The following DHCR24 variants were observed in gnomAD, a reference collection of about 807,000 sequenced individuals.
DHCR24 encodes 24-dehydrocholesterol reductase.
A neutral mutation model predicts 61.2 loss-of-function variants in DHCR24; 28 were observed. That is an observed-to-expected ratio of 0.46 (90% CI 0.34 to 0.63). The LOEUF is 0.63. DHCR24 is among the 20% of genes least tolerant of loss of function. The pLI is 0.01. For synonymous variants in DHCR24, 261 were observed against 275.9 expected (o/e 0.95, Z 0.54); for missense variants, 538 against 679.1 (o/e 0.79, Z 2.31).
intron 6 of DHCR24, among the ~76,000 whole-genome samples, chr1:54,858,703 T>C (rs532964312): frequency 1.8e-4 from 28 of 152,284 alleles, no homozygotes; most frequent in African/African-American, 4.6e-4. Context: ...AATGGCGCGA[T>C]CTCAGCTCAC....
At chr1:54,880,025 A>AAC (rs368041290) in intron 2 of DHCR24, among the ~76,000 whole-genome samples, 1 of 152,086 alleles carries the variant, frequency 6.6e-6, no homozygotes, top group Non-Finnish European at 1.5e-5. Context: ...AATTGAAAAC[A>AAC]ACACACACAC....
Position 54,850,352 on chromosome 1 carries a change from C to T in DHCR24, c.*1881G>A, listed in dbSNP as rs757634950. The T allele has an allele frequency of 9.2e-5, 14 of 152,258 alleles. No homozygotes were observed. The highest frequency in any genetic ancestry group is 1.8e-4 in the Non-Finnish European group (12 of 68,064). The allele number at this position is 152,258 out of a possible 1,614,324, so 9.4% of individuals were successfully genotyped here. Reference sequence around the variant, plus strand: ...GCACTGAGCAAGGAAGCACATGGGTCTCCTATGAGAGCTAATGCCAGAATT... The same window carrying T: ...GCACTGAGCAAGGAAGCACATGGGTTTCCTATGAGAGCTAATGCCAGAATT... On this transcript the variant is annotated 3_prime_UTR_variant, in exon 9 of 9. Transcript: ENST00000371269.
intron 7 of DHCR24, 127 bp downstream of exon 7, chr1:54,853,910 C>G: frequency 1.0e-6 from 1 of 987,148 alleles, no homozygotes; most frequent in Non-Finnish European, 1.5e-6. Flanking sequence ...GGACAAGGAC[C>G]TCATCTTAAA....
intron 6 of DHCR24, among the ~76,000 whole-genome samples, chr1:54,863,695 A>C (rs986377436): frequency 1.3e-5 from 2 of 152,262 alleles, no homozygotes; most frequent in Non-Finnish European, 2.9e-5. Context: ...GGGAAAATAG[A>C]TAAATTGGAA....
intron 3 of DHCR24, among the ~76,000 whole-genome samples, chr1:54,875,661 C>T (rs921374752): frequency 1.3e-5 from 2 of 152,090 alleles, no homozygotes; most frequent in African/African-American, 2.4e-5. Flanking sequence ...TATACTTATT[C>T]TGTGTGTTCC....
rs1646893615 is a variant in DHCR24, at chr1:54,854,100, C to T, written c.1155G>A (p.Gln385=). The change falls in exon 7 of 9, where the codon CAG becomes CAA. Residue 385 remains glutamine (Q), a synonymous_variant. Coordinates refer to ENST00000371269, the MANE Select transcript of DHCR24 (RefSeq NM_014762.4). Reference sequence around the variant, plus strand: ...GGCACTTCATGGGCACCAGCATGTCCTGCACCACGTGGTGCTGCTCGTACA... The same window carrying T: ...GGCACTTCATGGGCACCAGCATGTCTTGCACCACGTGGTGCTGCTCGTACA... ...RKLYEQHHVV[Q]DMLVPMKCLQ... 4 of 1,614,092 alleles carry T rather than the reference C, an allele frequency of 2.5e-6. No homozygotes were observed. Among genetic ancestry groups the T allele is most frequent in the Non-Finnish European group, 3.4e-6 (4 of 1,179,986 alleles).
intron 2 of DHCR24, 78 bp from the exon 3 acceptor site, chr1:54,876,125 T>A: frequency 8.7e-7 from 1 of 1,144,152 alleles, no homozygotes; most frequent in Admixed American, 1.8e-5. Context: ...ACAGAAGGTG[T>A]CATCTCAAAC....
At chr1:54,857,269 G>A (rs1308467639) in intron 6 of DHCR24, among the ~76,000 whole-genome samples, 1 of 152,208 alleles carries the variant, frequency 6.6e-6, no homozygotes, top group Non-Finnish European at 1.5e-5. Context: ...CTTGTTCTCT[G>A]GCCATCCTTG....
intron 8 of DHCR24, among the ~76,000 whole-genome samples, chr1:54,853,143 G>A (rs1343266071): frequency 2.2e-4 from 33 of 151,834 alleles, no homozygotes; most frequent in Non-Finnish European, 1.5e-4. Context: ...TGTTCCGTGG[G>A]GAGGAGTGGG....
chr1:54,880,869 C>T (rs2101576922), intron 2 of DHCR24, among the ~76,000 whole-genome samples: 1 of 152,194 alleles, frequency 6.6e-6, no homozygotes, highest in East Asian at 1.9e-4. Context: ...TCTGATTTGG[C>T]CAGGCGTGGT....
chr1:54,875,093 C>G lies in DHCR24; in HGVS notation c.612G>C (p.Pro204=). The G allele has an allele frequency of 6.2e-7, 1 of 1,613,506 alleles. No homozygotes were observed. Among genetic ancestry groups the G allele is most frequent in the Non-Finnish European group, 8.5e-7 (1 of 1,179,460 alleles). ...LADGSFVRCT[P]SENSDLFYAV... is the part of the protein sequence containing the mutation. Reference sequence around the variant, plus strand: ...GGACATCTCCCATTGCTGAACTCACCGGAGTGCATCGCACAAAGCTGCCAT... The same window carrying G: ...GGACATCTCCCATTGCTGAACTCACGGGAGTGCATCGCACAAAGCTGCCAT... The change falls in exon 4 of 9, where the codon CCG becomes CCC. Residue 204 remains proline (P), a splice_region_variant and synonymous_variant. Transcript: ENST00000371269.
chr1:54,881,785 A>G (rs1315901688), intron 2 of DHCR24, among the ~76,000 whole-genome samples: 3 of 152,232 alleles, frequency 2.0e-5, no homozygotes, highest in Admixed American at 2.0e-4. Flanking sequence ...TGTGGTACGT[A>G]TACACCATGG....
At chr1:54,878,341 G>C (rs1246374726) in intron 2 of DHCR24, among the ~76,000 whole-genome samples, 1 of 8,702 alleles carries the variant, frequency 1.1e-4, no homozygotes, top group African/African-American at 1.6e-4. Flanking sequence ...CCCCGCCTCT[G>C]CTAAAAAAAA....
At chr1:54,853,047 A>G (rs1339784069) in intron 8 of DHCR24, among the ~76,000 whole-genome samples, 2 of 152,078 alleles carry the variant, frequency 1.3e-5, no homozygotes, top group Non-Finnish European at 2.9e-5. Flanking sequence ...CGTGGTTTTC[A>G]TAGACAGGAA....
intron 6 of DHCR24, among the ~76,000 whole-genome samples, chr1:54,854,756 G>T (rs574020536): frequency 5.3e-5 from 8 of 152,164 alleles, no homozygotes; most frequent in African/African-American, 1.7e-4. Flanking sequence ...GCTCAGGTTC[G>T]ACAAGGAGCC....
At chr1:54,879,352 A>AAAAAAAAAAAAAAAAAAAAAAAAAG (rs573285056) in intron 2 of DHCR24, among the ~76,000 whole-genome samples, 24 of 128,222 alleles carry the variant, frequency 1.9e-4, no homozygotes, top group Admixed American at 3.3e-4. Flanking sequence ...AAAAAAAAAA[A>AAAAAAAAAAAAAAAAAAAAAAAAAG]TCCAAATCAA....
Position 54,871,611 on chromosome 1 carries a change from G to A in DHCR24, c.615C>T (p.Ser205=), listed in dbSNP as rs147213053. 3.1e-4 allele frequency: 506 copies of A among 1,614,146 alleles called. No homozygotes were observed. The highest frequency in any genetic ancestry group is 8.5e-4 in the East Asian group (38 of 44,878). Residue 205 remains serine (S), a splice_region_variant and synonymous_variant, in exon 5 of 9, where the codon TCC becomes TCT. Coordinates refer to ENST00000371269, the MANE Select transcript of DHCR24 (RefSeq NM_014762.4). ...ADGSFVRCTP[S]ENSDLFYAVP... Reference sequence around the variant, plus strand: ...CGGCATAGAACAGGTCTGAGTTTTCGGACTGTGAGACAGAATTGATGTGTT... The same window carrying A: ...CGGCATAGAACAGGTCTGAGTTTTCAGACTGTGAGACAGAATTGATGTGTT...
chr1:54,858,584 A>G (rs754531884), intron 6 of DHCR24, among the ~76,000 whole-genome samples: 64 of 152,202 alleles, frequency 4.2e-4, no homozygotes, highest in Non-Finnish European at 7.2e-4. Context: ...ACAAATATGT[A>G]AGACAAACCT....
intron 4 of DHCR24, 66 bp from the exon 5 acceptor site, chr1:54,871,679 TG>T (rs902454280): frequency 2.5e-6 from 4 of 1,608,018 alleles, no homozygotes; most frequent in Non-Finnish European, 3.4e-6. Flanking sequence ...ATGCAGTCAG[TG>T]GGGGAGCAAA....
Sources: allele counts gnomAD v4.1 joint callset (sites outside exome capture counted in the v4.1 genomes callset), GRCh38; gene constraint gnomAD v4.1.1; transcripts MANE v1.5; gene names NCBI Gene and HGNC (gene_info 2026-07-23, HGNC 2026-07-21).